ALG9: variants seen among roughly 807,000 people sequenced by gnomAD.
The protein encoded by ALG9 is alpha-1,2-mannosyltransferase ALG9.
In ALG9, 55 loss-of-function variants were observed where a neutral mutation model predicts 81.8. The ratio of observed to expected loss-of-function variants is 0.67; its 90% CI spans 0.54 to 0.84. The LOEUF (loss-of-function observed/expected upper bound fraction) is 0.84, where lower values mean the gene tolerates loss of function less well. Ranked by LOEUF, ALG9 falls within the 40% of genes least tolerant of loss-of-function variation. The probability of loss-of-function intolerance (pLI) is 0.00; values close to 1 mark genes in which losing one functional copy is unlikely to be tolerated. For missense variants in ALG9, 629 were observed against 745.0 expected (o/e 0.84, Z 1.81); for synonymous variants, 278 against 274.3 (o/e 1.01, Z -0.13).
chr11:111,776,899 T>C, the ALG9 span, among the ~76,000 whole-genome samples: 2 of 152,358 alleles, frequency 1.3e-5, no homozygotes, highest in East Asian at 1.9e-4. Flanking sequence ...CCTTTCACTT[T>C]ACTGGGCTCA....
rs534266630 is a variant in ALG9 at position 111,847,284 on chromosome 11, G to A, written c.896-2561C>T. 2.6e-5 allele frequency among the ~76,000 whole-genome samples: 4 copies of A among 152,276 alleles called. No individual in the cohort carries two copies. In the East Asian group the frequency reaches 7.7e-4, roughly 29 times the overall value. The stretch of plus-strand genomic sequence containing the variant: ...AGACCCCACTGGGGCTTCTTCCTCT[G>A]CCACTGCAATTATGGAAACCTGTGG... On this transcript the variant is annotated intron_variant, in intron 8 of 14. Coordinates refer to ENST00000616540, the MANE Select transcript of ALG9 (RefSeq NM_024740.2).
At chr11:111,808,489 C>T (rs573739301) in intron 14 of ALG9, among the ~76,000 whole-genome samples, 1 of 152,222 alleles carries the variant, frequency 6.6e-6, no homozygotes, top group African/African-American at 2.4e-5. Flanking sequence ...CTTGCTTACT[C>T]GTGAAGAACC....
At chr11:111,864,022 T>C (rs1409422311) in intron 4 of ALG9, among the ~76,000 whole-genome samples, 1 of 152,158 alleles carries the variant, frequency 6.6e-6, no homozygotes, top group African/African-American at 2.4e-5. Context: ...GAAGTCACAC[T>C]TCAGATTTAA....
At chr11:111,859,123 T>G (rs1380222580) in intron 5 of ALG9, among the ~76,000 whole-genome samples, 1 of 152,308 alleles carries the variant, frequency 6.6e-6, no homozygotes, top group Non-Finnish European at 1.5e-5. Flanking sequence ...GAAAGACTGC[T>G]AGAGCCCAGG....
At chr11:111,777,794 G>C (rs564515459), downstream of ALG9, among the ~76,000 whole-genome samples, 4 of 152,280 alleles carry the variant, frequency 2.6e-5, no homozygotes, top group East Asian at 7.7e-4. Flanking sequence ...GCACATTATA[G>C]GAAATACCAG....
At chr11:111,865,070 C>T in intron 4 of ALG9, 111 bp downstream of exon 4, 1 of 876,954 alleles carries the variant, frequency 1.1e-6, no homozygotes, top group Non-Finnish European at 1.7e-6. Flanking sequence ...AGCCACCGCA[C>T]CCGGTCAAGA....
chr11:111,840,534 G>A, intron 10 of ALG9, 121 bp downstream of exon 10: 1 of 1,185,694 alleles, frequency 8.4e-7, no homozygotes, highest in East Asian at 2.4e-5. Flanking sequence ...TCTATATCAG[G>A]TTTAATGTTA....
chr11:111,865,453 G>A (rs1962056756), intron 3 of ALG9, among the ~76,000 whole-genome samples: 1 of 152,210 alleles, frequency 6.6e-6, no homozygotes, highest in Non-Finnish European at 1.5e-5. Context: ...TGGGGGTTGG[G>A]AGGTAGAGCT....
chr11:111,804,835 G>C (rs1297593579), intron 14 of ALG9, among the ~76,000 whole-genome samples: 3 of 152,172 alleles, frequency 2.0e-5, no homozygotes, highest in Non-Finnish European at 4.4e-5. Flanking sequence ...GGAGCAACAG[G>C]AACTCATTCA....
chr11:111,837,767 G>T (rs1955558886), intron 11 of ALG9, 152 bp from the exon 12 acceptor site: 1 of 903,834 alleles, frequency 1.1e-6, no homozygotes, highest in Non-Finnish European at 1.7e-6. Flanking sequence ...TGCTCTGCAG[G>T]TATAAAATGT....
chr11:111,828,043 G>T (rs541773937), intron 13 of ALG9, among the ~76,000 whole-genome samples: 7 of 148,984 alleles, frequency 4.7e-5, no homozygotes, highest in Admixed American at 2.0e-4. Context: ...CAAAAAAATT[G>T]GCCAGGCATG....
In ALG9 at chr11:111,802,520, G is replaced by A. The variant is rs557685889; in HGVS notation, c.1733+7123C>T. Among the ~76,000 whole-genome samples, 23 of 152,286 alleles carry A rather than the reference G, an allele frequency of 1.5e-4. 2 individuals carry two copies. The South Asian group carries it at 4.8e-3, about 32-fold the overall frequency. On this transcript the variant is annotated intron_variant, in intron 14 of 14. Transcript: ENST00000616540. The stretch of plus-strand genomic sequence containing the variant: ...ATAGATTAGCGGGATGCCCGGAGAC[G>A]GCAGTGGGAATGAGGTATCTTACTG...
At chr11:111,811,455 A>T (rs1337179130) in intron 13 of ALG9, among the ~76,000 whole-genome samples, 1 of 150,924 alleles carries the variant, frequency 6.6e-6, no homozygotes, top group African/African-American at 2.4e-5. Flanking sequence ...AGGCAGGAGA[A>T]TTGTTTGAAC....
intron 13 of ALG9, among the ~76,000 whole-genome samples, chr11:111,831,797 A>G (rs1166272719): frequency 6.6e-6 from 1 of 152,250 alleles, no homozygotes; most frequent in Non-Finnish European, 1.5e-5. Flanking sequence ...GCAGGGATAA[A>G]GAAGAATGAA....
chr11:111,837,666 T>G, intron 11 of ALG9, 51 bp from the exon 12 acceptor site: 1 of 1,589,920 alleles, frequency 6.3e-7, no homozygotes, highest in Non-Finnish European at 8.6e-7. Context: ...GATGAGATTC[T>G]CACTTTAATT....
intron 6 of ALG9, among the ~76,000 whole-genome samples, chr11:111,856,765 A>G (rs1297848065): frequency 6.6e-6 from 1 of 152,138 alleles, no homozygotes; most frequent in African/African-American, 2.4e-5. Flanking sequence ...GTGGGAACAA[A>G]GAGTATACAA....
the ALG9 span, among the ~76,000 whole-genome samples, chr11:111,776,107 A>G: frequency 1.3e-5 from 2 of 152,144 alleles, no homozygotes; most frequent in Non-Finnish European, 2.9e-5. Context: ...TGCATTTCCC[A>G]GCCATCCAGG....
At chr11:111,774,107 C>T in the ALG9 span, among the ~76,000 whole-genome samples, 2 of 147,424 alleles carry the variant, frequency 1.4e-5, no homozygotes, top group Admixed American at 6.8e-5. Flanking sequence ...GCACGGAGGC[C>T]GGGCGCCATG....
intron 4 of ALG9, among the ~76,000 whole-genome samples, chr11:111,863,340 A>G (rs1312031374): frequency 6.6e-6 from 1 of 152,164 alleles, no homozygotes; most frequent in African/African-American, 2.4e-5. Context: ...CCTGGGTGAC[A>G]GTCTCAAAAA....
Sources: gnomAD v4.1 joint callset for allele counts (sites outside exome capture counted in the v4.1 genomes callset) on GRCh38, gnomAD v4.1.1 for gene constraint, MANE v1.5 for transcripts, NCBI Gene and HGNC (gene_info 2026-07-23, HGNC 2026-07-21) for gene names.